RGS3: variants seen among roughly 807,000 people sequenced by gnomAD.
RGS3 encodes regulator of G protein signaling 3, also known as regulator of G-protein signalling 3.
In RGS3, 80 loss-of-function variants were observed where a neutral mutation model predicts 132.6. The ratio of observed to expected loss-of-function variants is 0.60; its 90% CI spans 0.50 to 0.73. The LOEUF is 0.73. Ranked by LOEUF, RGS3 falls within the 30% of genes least tolerant of loss-of-function variation. RGS3 has a pLI of 0.00. For synonymous variants in RGS3, 598 were observed against 620.6 expected, an observed-to-expected ratio of 0.96 and a Z score of 0.54; for missense variants, 1,382 against 1,530.8, an observed-to-expected ratio of 0.90 and a Z score of 1.62.
intron 17 of RGS3, among the ~76,000 whole-genome samples, chr9:113,526,295 G>C (rs1832204395): frequency 6.6e-6 from 1 of 152,190 alleles, no homozygotes; most frequent in Admixed American, 6.5e-5. Context: ...GTTAACTCTT[G>C]GTTAGTCCTC....
chr9:113,475,985 G>A (rs1829981104), intron 3 of RGS3, among the ~76,000 whole-genome samples: 1 of 151,064 alleles, frequency 6.6e-6, no homozygotes, highest in African/African-American at 2.4e-5. Flanking sequence ...GGTCCAGGCT[G>A]GAGTTGCAGT....
chr9:113,544,876 G>A (rs1156988486), intron 19 of RGS3, among the ~76,000 whole-genome samples: 5 of 152,238 alleles, frequency 3.3e-5, no homozygotes, highest in Non-Finnish European at 1.5e-5. Context: ...TCCAGGAAGA[G>A]GCAAGAGAGG....
chr9:113,562,929 C>T (rs1833852175), intron 19 of RGS3, among the ~76,000 whole-genome samples: 1 of 152,230 alleles, frequency 6.6e-6, no homozygotes, highest in African/African-American at 2.4e-5. Flanking sequence ...GAAAGCCTGG[C>T]TGCCAGTGAC....
exon 20 of RGS3, chr9:113,583,996 G>A: frequency 1.2e-6 from 2 of 1,614,148 alleles, no homozygotes; most frequent in Non-Finnish European, 1.7e-6. Context: ...GGTCCGGCTG[G>A]ATAGCACCTA....
intron 1 of RGS3, among the ~76,000 whole-genome samples, chr9:113,449,394 G>T (rs1829189078): frequency 6.6e-6 from 1 of 152,194 alleles, no homozygotes; most frequent in Non-Finnish European, 1.5e-5. Context: ...GAAAGATAGA[G>T]ATCATTAATC....
At chr9:113,501,239 A>G (rs1830875578) in intron 10 of RGS3, 1 of 373,852 alleles carries the variant, frequency 2.7e-6, no homozygotes, top group Non-Finnish European at 4.8e-6. Flanking sequence ...TTGTGAGAAC[A>G]TTGGAATCAC....
intron 10 of RGS3, among the ~76,000 whole-genome samples, chr9:113,498,938 A>T (rs1830776723): frequency 6.6e-6 from 1 of 150,832 alleles, no homozygotes; most frequent in Non-Finnish European, 1.5e-5. Context: ...AAAAAAAAAA[A>T]AAAAAGGACC....
intron 3 of RGS3, chr9:113,462,210 A>G: frequency 6.5e-7 from 1 of 1,546,280 alleles, no homozygotes; most frequent in Non-Finnish European, 8.8e-7. Flanking sequence ...AGGTAAGTCC[A>G]TCTGTCACTG....
chr9:113,548,503 G>A (rs1018257780), intron 19 of RGS3, among the ~76,000 whole-genome samples: 4 of 152,214 alleles, frequency 2.6e-5, no homozygotes, highest in African/African-American at 9.7e-5. Flanking sequence ...ACTCCCTGTG[G>A]TCTGTTCTAA....
At position 113,594,016 on chromosome 9, in the gene RGS3, C is replaced by G. The variant is rs144678529; in HGVS notation, c.3081-414C>G. ...TTGCAGACACATGCCCCTTTCACGG[C>G]TCCCTCTCAGGGTTGGCCAGAAGGA... On this transcript the variant is annotated intron_variant, in intron 21 of 24. Transcript: ENST00000350696. 29 of 1,613,074 alleles carry G rather than the reference C, an allele frequency of 1.8e-5. No individual in the cohort carries two copies. The African/African-American group carries it at 3.6e-4, about 20-fold the overall frequency.
chr9:113,503,411 G>A (rs1480350390), intron 10 of RGS3: 1 of 152,572 alleles, frequency 6.6e-6, no homozygotes, highest in East Asian at 1.9e-4. Context: ...CGAGCTAGGA[G>A]GTGAGCTTGC....
Position 113,505,525 on chromosome 9 carries a change from T to TC in RGS3, c.979+2_979+3insC. The TC allele has an allele frequency of 6.2e-7, 1 of 1,613,680 alleles. No individual in the cohort carries two copies. Among genetic ancestry groups the TC allele is most frequent in the Non-Finnish European group, 8.5e-7 (1 of 1,179,584 alleles). ...TTCGAGTCCAGGCCGTGGATTCCGG[T>TC]AAGTTATTGACAGGGGGATGCCAAC... On this transcript the variant is annotated splice_region_variant and intron_variant, in intron 11 of 24. Transcript: ENST00000350696.
chr9:113,520,548 T>G lies in RGS3; in HGVS notation c.1759-2382T>G, dbSNP rs971038185. ...CCCTCTCTGGGCCTGGGCTGTTTTT[T>G]TTTTTTTTTTTTTTTTAAACTTTCT... On this transcript the variant is annotated intron_variant, in intron 16 of 24. Transcript: ENST00000350696. Among the ~76,000 whole-genome samples, 12 of 150,876 alleles carry G rather than the reference T, an allele frequency of 8.0e-5. No individual in the cohort carries two copies. In the East Asian group the frequency reaches 1.4e-3, roughly 17 times the overall value.
Position 113,514,449 on chromosome 9 carries a change from G to C in RGS3, c.1478-9G>C. On this transcript the variant is annotated splice_polypyrimidine_tract_variant and intron_variant, in intron 14 of 24. Transcript: ENST00000350696. ...AAATGTCTCATAGTCCCCCATCTCT[G>C]TTTCACAGAATCAGGGAGTCCCAGT... 6.2e-7 allele frequency: 1 copy of C among 1,610,976 alleles called. No homozygotes were observed. The highest frequency in any genetic ancestry group is 8.5e-7 in the Non-Finnish European group (1 of 1,177,550).
At chr9:113,485,084 C>T (rs1830288100) in intron 6 of RGS3, among the ~76,000 whole-genome samples, 1 of 97,370 alleles carries the variant, frequency 1.0e-5, no homozygotes, top group Non-Finnish European at 2.1e-5. Context: ...TGTATGTTTA[C>T]AAAAATGGAA....
intron 3 of RGS3, among the ~76,000 whole-genome samples, chr9:113,476,682 C>T (rs774916373): frequency 7.9e-5 from 12 of 152,270 alleles, no homozygotes; most frequent in Non-Finnish European, 1.5e-4. Flanking sequence ...CAGCTTCTCA[C>T]TTGGCCTTGC....
intron 23 of RGS3, 44 bp from the exon 22 acceptor site, chr9:113,595,555 G>A (rs750164643): frequency 6.2e-7 from 1 of 1,602,970 alleles, no homozygotes; most frequent in Admixed American, 1.7e-5. Flanking sequence ...AAGGGCAGGA[G>A]AGGCTGAGTT....
At chr9:113,518,696 G>A (rs74602321) in intron 16 of RGS3, among the ~76,000 whole-genome samples, 3,327 of 152,254 alleles carry the variant, frequency 0.022, 48 homozygotes, top group South Asian at 0.048. Context: ...GTTGCCTACT[G>A]TATTTCTGGA....
chr9:113,463,264 G>T lies in RGS3; in HGVS notation c.415+1063G>T, dbSNP rs113298583. ...GGAAGAGGATGCAGCATGGTGGGGG[G>T]CGACCTGTCCAAGCGCAGAGAACAC... On this transcript the variant is annotated intron_variant, in intron 3 of 24. Coordinates refer to ENST00000350696, the Ensembl canonical transcript of RGS3. The surrounding 1 kb of genome is among the most constrained non-coding windows in gnomAD (Gnocchi z 4.6). 1.3e-5 allele frequency among the ~76,000 whole-genome samples: 2 copies of T among 152,210 alleles called. No homozygotes were observed. The highest frequency in any genetic ancestry group is 1.5e-5 in the Non-Finnish European group (1 of 68,028).
Sources: gnomAD v4.1 joint callset for allele counts (sites outside exome capture counted in the v4.1 genomes callset) on GRCh38, gnomAD v4.1.1 for gene constraint, Gnocchi (gnomAD v3.1) non-coding constraint, MANE v1.5 for transcripts, NCBI Gene and HGNC (gene_info 2026-07-23, HGNC 2026-07-21) for gene names.